Variants in AGAP1 observed in about 807,000 individuals in gnomAD.
AGAP1 encodes ArfGAP with GTPase domain, ankyrin repeat and PH domain 1.
In AGAP1, 29 loss-of-function variants were observed where a neutral mutation model predicts 105.3. That is an observed-to-expected ratio of 0.28 (90% CI 0.21 to 0.38). AGAP1 has a LOEUF of 0.38. Among genes scored for constraint, AGAP1 ranks in the 10% least tolerant of loss-of-function variants. The probability of loss-of-function intolerance (pLI) is 1.00; values close to 1 mark genes in which losing one functional copy is unlikely to be tolerated. For synonymous variants in AGAP1, 509 were observed against 485.9 expected, an observed-to-expected ratio of 1.05 and a Z score of -0.63; for missense variants, 998 against 1,165.1, an observed-to-expected ratio of 0.86 and a Z score of 2.09.
chr2:235,545,578 T>C (rs1472468653), intron 1 of AGAP1, among the ~76,000 whole-genome samples: 1 of 152,206 alleles, frequency 6.6e-6, no homozygotes, highest in Non-Finnish European at 1.5e-5. Flanking sequence ...CATTTGCTCT[T>C]TCTGAAGACA....
intron 1 of AGAP1, among the ~76,000 whole-genome samples, chr2:235,542,498 A>G (rs529085578): frequency 1.3e-5 from 2 of 152,356 alleles, no homozygotes; most frequent in South Asian, 4.1e-4. Context: ...TCTGTCTGAT[A>G]ATACCTATTC....
intron 1 of AGAP1, among the ~76,000 whole-genome samples, chr2:235,584,650 C>T (rs1945043551): frequency 6.6e-6 from 1 of 151,764 alleles, no homozygotes; most frequent in African/African-American, 2.4e-5. Flanking sequence ...GCCCTGCAGA[C>T]ACCTTGATTT....
intron 1 of AGAP1, chr2:235,670,287 C>T (rs1463645145): frequency 2.5e-5 from 11 of 441,856 alleles, no homozygotes. Flanking sequence ...GCGCGCTCCC[C>T]GGACGCGCCC....
At chr2:236,028,091 A>G (rs955692093) in intron 13 of AGAP1, among the ~76,000 whole-genome samples, 1 of 152,276 alleles carries the variant, frequency 6.6e-6, no homozygotes, top group East Asian at 1.9e-4. Flanking sequence ...TAGGATGTGA[A>G]GCTTAGCTGT....
Position 235,659,191 on chromosome 2 carries a change from T to C in AGAP1, c.164-49988T>C, listed in dbSNP as rs1278779676. On this transcript the variant is annotated intron_variant, in intron 1 of 17. Coordinates refer to ENST00000304032, the MANE Select transcript of AGAP1 (RefSeq NM_001037131.3). The surrounding 1 kb of genome is among the most constrained non-coding windows in gnomAD (Gnocchi z 5.0). ...TGAATCTGATGAGTGGGTTGTGGACTTCAATCCAGCCCCACCCTTTACAGT... is the reference window on the plus strand; with the variant it reads ...TGAATCTGATGAGTGGGTTGTGGACCTCAATCCAGCCCCACCCTTTACAGT... Among the ~76,000 whole-genome samples, 2 of 152,230 alleles carry C rather than the reference T, an allele frequency of 1.3e-5. No individual in the cohort carries two copies. The highest frequency in any genetic ancestry group is 2.9e-5 in the Non-Finnish European group (2 of 68,036).
chr2:235,768,682 G>A (rs960232389), intron 6 of AGAP1, among the ~76,000 whole-genome samples: 1 of 152,250 alleles, frequency 6.6e-6, no homozygotes, highest in Non-Finnish European at 1.5e-5. Flanking sequence ...ATCCAGGGAT[G>A]TGCACGGTGC....
At chr2:236,033,491 G>T (rs1246440074) in intron 13 of AGAP1, among the ~76,000 whole-genome samples, 1 of 152,234 alleles carries the variant, frequency 6.6e-6, no homozygotes, top group Non-Finnish European at 1.5e-5. Context: ...GTATTACAGT[G>T]CAAGATACCA....
intron 1 of AGAP1, among the ~76,000 whole-genome samples, chr2:235,678,067 G>A (rs975301053): frequency 2.0e-5 from 3 of 151,974 alleles, no homozygotes; most frequent in Admixed American, 6.6e-5. Flanking sequence ...AGGAGCGGGC[G>A]CAGTCGCTTA....
rs188739268 is a variant in AGAP1 at position 235,653,823 on chromosome 2, G to T, written c.164-55356G>T. Among the ~76,000 whole-genome samples, 358 of 152,298 alleles carry T rather than the reference G, an allele frequency of 2.4e-3. 3 individuals carry two copies. Among genetic ancestry groups the T allele is most frequent in the African/African-American group, 8.1e-3 (337 of 41,558 alleles). On this transcript the variant is annotated intron_variant, in intron 1 of 17. Transcript: ENST00000304032. The stretch of plus-strand genomic sequence containing the variant: ...TATAATCACAACACTTTGGATGGCC[G>T]AGGCAGGCGGATTATTTGAGGTCGG...
intron 6 of AGAP1, among the ~76,000 whole-genome samples, chr2:235,765,446 G>T (rs946016485): frequency 6.6e-6 from 1 of 152,042 alleles, no homozygotes; most frequent in Non-Finnish European, 1.5e-5. Flanking sequence ...CTTTTTAGTC[G>T]AACATGTAAA....
rs1308455304 is a variant in AGAP1 at position 236,045,327 on chromosome 2, G to A, written c.1892-3732G>A. 3.3e-5 allele frequency among the ~76,000 whole-genome samples: 5 copies of A among 152,212 alleles called. No homozygotes were observed. Among genetic ancestry groups the A allele is most frequent in the Non-Finnish European group, 5.9e-5 (4 of 68,050 alleles). ...TTCACTGCTGTATCCCCAGAAGCCA[G>A]TGTGTTAATATTGGTTGAATACGTG... On this transcript the variant is annotated intron_variant, in intron 15 of 17. Transcript: ENST00000304032. The surrounding 1 kb of genome is among the most constrained non-coding windows in gnomAD (Gnocchi z 6.9).
chr2:235,670,790 C>T (rs1261081434), intron 1 of AGAP1: 38 of 1,295,782 alleles, frequency 2.9e-5, no homozygotes, highest in Non-Finnish European at 3.9e-5. Flanking sequence ...GCGTTGGGAA[C>T]GCAGTAAGAG....
chr2:235,700,997 CTATAATATAGTTATAT>C lies in AGAP1; in HGVS notation c.164-8181_164-8166del, dbSNP rs1342390280. Among the ~76,000 whole-genome samples the C allele has an allele frequency of 3.7e-3, 252 of 68,220 alleles. 1 individual carries two copies. Among genetic ancestry groups the C allele is most frequent in the Non-Finnish European group, 5.4e-3 (167 of 30,990 alleles). 44.8% of individuals were successfully genotyped at this position (68,220 alleles called of 152,430 possible). ...ATTATATATGTATATATTATATATGCTATAATATAGTTATATGTATATATTATATATGCTATAATAT... is the reference window on the plus strand; with the variant it reads ...ATTATATATGTATATATTATATATGCGTATATATTATATATGCTATAATAT... On this transcript the variant is annotated intron_variant, in intron 1 of 17. Transcript: ENST00000304032. This position sits in a 1 kb window ranked among gnomAD's most constrained non-coding sequence, Gnocchi z 6.1.
intron 9 of AGAP1, among the ~76,000 whole-genome samples, chr2:235,834,536 A>C (rs1959885857): frequency 6.6e-6 from 1 of 152,136 alleles, no homozygotes; most frequent in African/African-American, 2.4e-5. Flanking sequence ...CATAACCCAT[A>C]ATTATGGCTC....
chr2:235,549,357 T>G lies in AGAP1; in HGVS notation c.163+54508T>G, dbSNP rs1943729420. ...ACCTGGGAAGGTCAGCGTGCAGGGT[T>G]GCAGACTGCTTAAGCCTCCTCCTGT... On this transcript the variant is annotated intron_variant, in intron 1 of 17. Coordinates refer to ENST00000304032, the MANE Select transcript of AGAP1 (RefSeq NM_001037131.3). The surrounding 1 kb of genome is among the most constrained non-coding windows in gnomAD (Gnocchi z 4.2). 6.6e-6 allele frequency among the ~76,000 whole-genome samples: 1 copy of G among 152,154 alleles called. No individual in the cohort carries two copies. Among genetic ancestry groups the G allele is most frequent in the African/African-American group, 2.4e-5 (1 of 41,440 alleles).
At chr2:235,811,313 G>C (rs529597785) in intron 9 of AGAP1, among the ~76,000 whole-genome samples, 2 of 152,324 alleles carry the variant, frequency 1.3e-5, no homozygotes, top group South Asian at 4.1e-4. Context: ...GACTTGCCTT[G>C]TACTTGGTAG....
chr2:236,103,116 C>T (rs1418361791), intron 16 of AGAP1, among the ~76,000 whole-genome samples: 1 of 151,780 alleles, frequency 6.6e-6, no homozygotes, highest in East Asian at 1.9e-4. Flanking sequence ...CCCTGCACAG[C>T]GCCTCCTCCC....
rs532605829 is a variant in AGAP1 at position 236,107,801 on chromosome 2, C to A, written c.2115-12391C>A. 7.7e-4 allele frequency among the ~76,000 whole-genome samples: 117 copies of A among 152,330 alleles called. 1 individual carries two copies. The highest frequency in any genetic ancestry group is 2.6e-3 in the African/African-American group (108 of 41,578). ...TGGGCCGCCTGGGGCCTGCACCTGC[C>A]GGGGGATCTGCCAGCCCCCATACCT... On this transcript the variant is annotated intron_variant, in intron 16 of 17. Coordinates refer to ENST00000304032, the MANE Select transcript of AGAP1 (RefSeq NM_001037131.3).
At chr2:235,907,135 A>G (rs2051345516) in intron 10 of AGAP1, among the ~76,000 whole-genome samples, 1 of 152,188 alleles carries the variant, frequency 6.6e-6, no homozygotes, top group Non-Finnish European at 1.5e-5. Flanking sequence ...ACACTTGGCC[A>G]AGTTTCCTTG....
Sources: gnomAD v4.1 joint callset for allele counts (sites outside exome capture counted in the v4.1 genomes callset) on GRCh38, gnomAD v4.1.1 for gene constraint, Gnocchi (gnomAD v3.1) non-coding constraint, MANE v1.5 for transcripts, NCBI Gene and HGNC (gene_info 2026-07-23, HGNC 2026-07-21) for gene names.